Variants in CDK12 observed in about 807,000 individuals in gnomAD.
CDK12 encodes the protein cyclin dependent kinase 12.
In CDK12, 17 loss-of-function variants were observed where a neutral mutation model predicts 133.8. The observed-to-expected ratio is 0.13, with a 90% CI of 0.09 to 0.19. CDK12 has a LOEUF of 0.19. CDK12 is among the 10% of genes least tolerant of loss of function. The pLI is 1.00. For synonymous variants in CDK12, 694 were observed against 683.6 expected (o/e 1.02, Z -0.24); for missense variants, 1,508 against 1,818.7 (o/e 0.83, Z 3.11).
At chr17:39,463,242 T>C in intron 1 of CDK12, 125 bp downstream of exon 1, 3 of 823,230 alleles carry the variant, frequency 3.6e-6, no homozygotes, top group Non-Finnish European at 5.8e-6. Context: ...TGCTGTTGGC[T>C]AGTCATTCCA....
In CDK12 at chr17:39,510,284, T is replaced by C. The variant is rs539206563; in HGVS notation, c.2666+523T>C. Among the ~76,000 whole-genome samples the C allele has an allele frequency of 5.9e-5, 9 of 151,992 alleles. No individual in the cohort carries two copies. In the East Asian group the frequency reaches 1.7e-3, roughly 30 times the overall value. ...ACAGGTGCCCGCCACTACGCCCAGCTAATTTTTTGTATTTTTAGTAGAGGC... is the reference window on the plus strand; with the variant it reads ...ACAGGTGCCCGCCACTACGCCCAGCCAATTTTTTGTATTTTTAGTAGAGGC... On this transcript the variant is annotated intron_variant, in intron 7 of 13. Coordinates refer to ENST00000447079, the MANE Select transcript of CDK12 (RefSeq NM_016507.4).
rs552842054 is a variant in CDK12 at position 39,531,230 on chromosome 17, A to G, written c.4387A>G (p.Thr1463Ala). The G allele has an allele frequency of 1.8e-5, 27 of 1,516,072 alleles. No individual in the cohort carries two copies. In the South Asian group the frequency reaches 2.8e-4, roughly 16 times the overall value. 93.9% of individuals were successfully genotyped at this position (1,516,072 alleles called of 1,614,324 possible). ...SGAGLHWGGP[T>A]QSSAYGKLYR... ...AGCAGGCCTTCACTGGGGGGGCCCA[A>G]CTCAGTCTTCTGCTTATGGAAAACT... Residue 1463 changes from threonine (T) to alanine (A), a missense_variant, in exon 14 of 14, where the codon ACT (threonine) becomes GCT (alanine). By Grantham distance (58) the Thr-to-Ala change is moderately conservative. Transcript: ENST00000447079.
intron 11 of CDK12, among the ~76,000 whole-genome samples, chr17:39,522,459 G>A (rs1362678856): frequency 2.0e-5 from 3 of 150,564 alleles, no homozygotes; most frequent in Admixed American, 6.6e-5. Context: ...CTGAGACAGG[G>A]TCTCTCACTC....
chr17:39,486,468 T>G (rs987242053), intron 2 of CDK12, among the ~76,000 whole-genome samples: 1 of 151,890 alleles, frequency 6.6e-6, no homozygotes, highest in Non-Finnish European at 1.5e-5. Context: ...GGTCTCACTA[T>G]GTTGCTCAGG....
intron 13 of CDK12, 110 bp downstream of exon 13, chr17:39,526,426 C>G: frequency 1.3e-6 from 1 of 769,582 alleles, no homozygotes; most frequent in Non-Finnish European, 2.0e-6. Context: ...TTCAGTTATT[C>G]TGTAACCTAG....
intron 3 of CDK12, among the ~76,000 whole-genome samples, chr17:39,492,259 G>A (rs745456323): frequency 1.3e-5 from 2 of 150,992 alleles, no homozygotes; most frequent in Non-Finnish European, 2.9e-5. Context: ...ACCACGCCCG[G>A]CTAATTTTTT....
chr17:39,476,174 GC>G (rs1338986905), intron 2 of CDK12, among the ~76,000 whole-genome samples: 1 of 150,510 alleles, frequency 6.6e-6, no homozygotes, highest in Non-Finnish European at 1.5e-5. Flanking sequence ...GAGTGCAGTG[GC>G]AAGATCTTGG....
chr17:39,501,241 T>C lies in CDK12; in HGVS notation c.2420-9T>C. 1 of 1,515,262 alleles carries C rather than the reference T, an allele frequency of 6.6e-7. No individual in the cohort carries two copies. The highest frequency in any genetic ancestry group is 8.8e-7 in the Non-Finnish European group (1 of 1,134,072). 93.9% of individuals were successfully genotyped at this position (1,515,262 alleles called of 1,614,324 possible). On this transcript the variant is annotated splice_polypyrimidine_tract_variant and intron_variant, in intron 5 of 13. Transcript: ENST00000447079. ...TTCTTGCTTTTAATTTTTTTTCGTCTTTATGTAGGTGCCTTTTACCTTGTA... is the reference window on the plus strand; with the variant it reads ...TTCTTGCTTTTAATTTTTTTTCGTCCTTATGTAGGTGCCTTTTACCTTGTA...
rs571927153 is a variant in CDK12 at position 39,462,218 on chromosome 17, C to T, written c.147C>T (p.His49=). 6 of 1,614,248 alleles carry T rather than the reference C, an allele frequency of 3.7e-6. No homozygotes were observed. The Admixed American group carries it at 8.3e-5, about 22-fold the overall frequency. Residue 49 remains histidine (H), a synonymous_variant, in exon 1 of 14, where the codon CAC becomes CAT. Transcript: ENST00000447079. ...VSKHKRHKSK[H]SKDMGLVTPE... Reference sequence around the variant, plus strand: ...AGCACAAGCGGCATAAGTCCAAACACTCCAAAGACATGGGGTTGGTGACCC... The same window carrying T: ...AGCACAAGCGGCATAAGTCCAAACATTCCAAAGACATGGGGTTGGTGACCC...
At position 39,521,172 on chromosome 17, in the gene CDK12, G is replaced by A. The variant is rs568435091; in HGVS notation, c.3095+1085G>A. On this transcript the variant is annotated intron_variant, in intron 11 of 13. Transcript: ENST00000447079. ...TTTTTTGTATTTTTAGTAGAGATGG[G>A]GTTTCACCATGTTGGCCAGGCTGGT... 3.9e-5 allele frequency among the ~76,000 whole-genome samples: 6 copies of A among 152,160 alleles called. No homozygotes were observed. The South Asian group carries it at 1.2e-3, about 32-fold the overall frequency.
chr17:39,476,621 C>T (rs1386904002), intron 2 of CDK12, among the ~76,000 whole-genome samples: 1 of 150,224 alleles, frequency 6.7e-6, no homozygotes, highest in Non-Finnish European at 1.5e-5. Context: ...CCCTGTTGGC[C>T]AGGCTGGTCA....
intron 5 of CDK12, among the ~76,000 whole-genome samples, chr17:39,495,794 CAA>C (rs372235295): frequency 2.7e-4 from 20 of 74,534 alleles, no homozygotes; most frequent in Admixed American, 3.1e-4. Flanking sequence ...GACTCCGCCT[CAA>C]AAAAAAAAAA....
chr17:39,466,963 CATTTTATTTT>C (rs565424155), intron 1 of CDK12, among the ~76,000 whole-genome samples: 8 of 151,746 alleles, frequency 5.3e-5, no homozygotes, highest in South Asian at 4.2e-4. Flanking sequence ...AAATAAGCAA[CATTTTATTTT>C]ATTTTATTTT....
intron 2 of CDK12, among the ~76,000 whole-genome samples, chr17:39,483,689 AATTTATTTATTTATTT>A (rs71353589): frequency 5.6e-4 from 84 of 148,948 alleles, no homozygotes; most frequent in African/African-American, 7.7e-4. Flanking sequence ...AAACAGTTAC[AATTTATTTATTTATTT>A]ATTTATTTAT....
At chr17:39,563,113 C>T (rs951422004) in intron 3 of CDK12, among the ~76,000 whole-genome samples, 3 of 152,012 alleles carry the variant, frequency 2.0e-5, no homozygotes, top group African/African-American at 4.8e-5. Flanking sequence ...ATGAACATTG[C>T]GGTAATAACC....
At chr17:39,494,748 T>TA in intron 5 of CDK12, 54 bp downstream of exon 5, 56 of 1,263,778 alleles carry the variant, frequency 4.4e-5, no homozygotes, top group Non-Finnish European at 5.7e-5. Flanking sequence ...TCTTTGCCTT[T>TA]CTTTTTTTTT....
At chr17:39,543,219 A>G (rs959571553), upstream of CDK12, among the ~76,000 whole-genome samples, 2 of 152,198 alleles carry the variant, frequency 1.3e-5, no homozygotes, top group African/African-American at 2.4e-5. Flanking sequence ...TTTAGTTTTT[A>G]AAGTTTTGAG....
intron 2 of CDK12, among the ~76,000 whole-genome samples, chr17:39,475,584 G>C (rs908803499): frequency 1.4e-5 from 2 of 146,152 alleles, no homozygotes; most frequent in African/African-American, 5.1e-5. Context: ...GTCTCACACT[G>C]TTGTCCGGGC....
At chr17:39,504,357 T>G (rs543789304) in intron 6 of CDK12, among the ~76,000 whole-genome samples, 1 of 151,896 alleles carries the variant, frequency 6.6e-6, no homozygotes, top group Non-Finnish European at 1.5e-5. Flanking sequence ...GTCAGAGAGA[T>G]AGGAAGAAAA....
Sources: allele counts gnomAD v4.1 joint callset (sites outside exome capture counted in the v4.1 genomes callset), GRCh38; gene constraint gnomAD v4.1.1; transcripts MANE v1.5; gene names NCBI Gene and HGNC (gene_info 2026-07-23, HGNC 2026-07-21).